The following TYR variants were observed in gnomAD, a reference collection of about 807,000 sequenced individuals.
TYR encodes tyrosinase, also known as LB24-AB.
TYR carries 58 observed loss-of-function variants against 51.5 expected under a neutral mutation model. That is an observed-to-expected ratio of 1.13 (90% CI 0.91 to 1.40). The LOEUF (loss-of-function observed/expected upper bound fraction) is 1.40, where lower values mean the gene tolerates loss of function less well. TYR is among the 40% of genes most tolerant of loss of function. The pLI, the probability that TYR is intolerant of heterozygous loss-of-function variation, is 0.00. For missense variants in TYR, 732 were observed against 647.4 expected (o/e 1.13, Z -1.42); for synonymous variants, 263 against 235.2 (o/e 1.12, Z -1.08).
chr11:89,179,981 C>T (rs1452415168), intron 1 of TYR, among the ~76,000 whole-genome samples: 1 of 152,144 alleles, frequency 6.6e-6, no homozygotes, highest in Non-Finnish European at 1.5e-5. Flanking sequence ...CTCAATTTCC[C>T]ACAATCTGCA....
intron 2 of TYR, among the ~76,000 whole-genome samples, chr11:89,206,831 A>C (rs1020614290): frequency 6.6e-6 from 1 of 152,154 alleles, no homozygotes; most frequent in African/African-American, 2.4e-5. Context: ...CATGAGGGAA[A>C]GATCTTCAAA....
intron 1 of TYR, among the ~76,000 whole-genome samples, chr11:89,186,143 C>T (rs118130223): frequency 3.9e-5 from 6 of 152,228 alleles, no homozygotes; most frequent in Non-Finnish European, 7.4e-5. Context: ...GAAAGTAGGC[C>T]ATCTGACTTT....
intron 4 of TYR, among the ~76,000 whole-genome samples, chr11:89,290,952 C>G (rs934154655): frequency 2.3e-4 from 35 of 151,980 alleles, no homozygotes; most frequent in African/African-American, 8.0e-4. Flanking sequence ...AACAGATATT[C>G]AGTACGGACT....
At chr11:89,221,483 T>C (rs1943911644) in intron 2 of TYR, among the ~76,000 whole-genome samples, 1 of 152,244 alleles carries the variant, frequency 6.6e-6, no homozygotes, top group Non-Finnish European at 1.5e-5. Context: ...TTAATGCTTC[T>C]CGTGTATCTA....
intron 3 of TYR, among the ~76,000 whole-genome samples, chr11:89,254,946 A>C (rs1318799832): frequency 6.6e-6 from 1 of 151,260 alleles, no homozygotes; most frequent in Non-Finnish European, 1.5e-5. Flanking sequence ...TTTTGATGTT[A>C]AAGGTTGTAA....
At chr11:89,281,760 G>C (rs1309982714) in intron 3 of TYR, among the ~76,000 whole-genome samples, 1 of 151,690 alleles carries the variant, frequency 6.6e-6, no homozygotes, top group African/African-American at 2.4e-5. Context: ...TGTCTGACCT[G>C]AAATCAGAGG....
intron 2 of TYR, among the ~76,000 whole-genome samples, chr11:89,196,779 T>C (rs909738801): frequency 6.6e-6 from 1 of 152,160 alleles, no homozygotes; most frequent in Admixed American, 6.6e-5. Context: ...AACACCACCA[T>C]GTGACCCATC....
At chr11:89,288,746 A>G (rs1353098566) in intron 4 of TYR, among the ~76,000 whole-genome samples, 2 of 152,024 alleles carry the variant, frequency 1.3e-5, no homozygotes, top group African/African-American at 4.8e-5. Context: ...CTAAGAACAA[A>G]GCAAAACAAA....
intron 1 of TYR, among the ~76,000 whole-genome samples, chr11:89,186,401 C>T (rs986578091): frequency 7.9e-5 from 12 of 152,150 alleles, no homozygotes; most frequent in Admixed American, 4.6e-4. Context: ...GGTTCATATG[C>T]ATCCTGCAGA....
In TYR at chr11:89,232,310, C is replaced by T. The variant is rs1223730462; in HGVS notation, c.1184+4340C>T. 1.4e-5 allele frequency among the ~76,000 whole-genome samples: 2 copies of T among 143,104 alleles called. 1 individual carries two copies. Among genetic ancestry groups the T allele is most frequent in the African/African-American group, 5.5e-5 (2 of 36,100 alleles). The allele number at this position is 143,104 out of a possible 152,430, so 93.9% of individuals were successfully genotyped here. A position where few individuals can be genotyped will look rare whatever the true frequency, so the allele number is the denominator to read the frequency against. On this transcript the variant is annotated intron_variant, in intron 3 of 4. Transcript: ENST00000263321. ...TACGTTTATGGAATCAACCCAGGTG[C>T]TCATCAATGGTGTATTGGACAAAGA...
At position 89,231,314 on chromosome 11, in the gene TYR, A is replaced by C. The variant is rs976221347; in HGVS notation, c.1184+3344A>C. On this transcript the variant is annotated intron_variant, in intron 3 of 4. Coordinates refer to ENST00000263321, the MANE Select transcript of TYR (RefSeq NM_000372.5). The stretch of plus-strand genomic sequence containing the variant: ...TGATTCAGCAGTTCCACTCCTGGGC[A>C]TGTATCGAAAGGGAAATATATCTGA... 4.8e-5 allele frequency among the ~76,000 whole-genome samples: 7 copies of C among 145,822 alleles called. 2 individuals are homozygous for C. Among genetic ancestry groups the C allele is most frequent in the African/African-American group, 1.9e-4 (7 of 37,448 alleles).
intron 3 of TYR, among the ~76,000 whole-genome samples, chr11:89,259,532 G>A (rs145014985): frequency 4.6e-5 from 7 of 151,962 alleles, no homozygotes; most frequent in African/African-American, 1.5e-4. Flanking sequence ...CTGAAGTAGC[G>A]AATGTAGTTA....
intron 3 of TYR, among the ~76,000 whole-genome samples, chr11:89,249,446 C>T (rs1312720947): frequency 3.8e-5 from 3 of 78,592 alleles, no homozygotes; most frequent in Admixed American, 1.5e-4. Flanking sequence ...AAAAAAAGGA[C>T]ATTAAGCCAC....
chr11:89,295,029 G>C (rs1944890762), intron 4 of TYR, 114 bp from the exon 5 acceptor site: 1 of 1,518,476 alleles, frequency 6.6e-7, no homozygotes, highest in African/African-American at 1.4e-5. Context: ...ATAAGTAGTA[G>C]AGCTGGCCTT....
In TYR at chr11:89,227,803, C is replaced by A; in HGVS notation, c.1037-20C>A. On this transcript the variant is annotated intron_variant, in intron 2 of 4. Coordinates refer to ENST00000263321, the MANE Select transcript of TYR (RefSeq NM_000372.5). ...GTCATTAAAGTAAACATATTTTTTT[C>A]ATTTTTTTTTAATGAACAGGATTTG... is the stretch of plus-strand genomic sequence containing the variant. 6.2e-7 allele frequency: 1 copy of A among 1,603,090 alleles called. No homozygotes were observed.
chr11:89,186,721 T>C (rs1375208326), intron 1 of TYR, among the ~76,000 whole-genome samples: 1 of 152,132 alleles, frequency 6.6e-6, no homozygotes, highest in Non-Finnish European at 1.5e-5. Context: ...ATGGACTGAA[T>C]TGTGTCTCCC....
chr11:89,226,060 G>C (rs1943971546), intron 2 of TYR, among the ~76,000 whole-genome samples: 2 of 152,110 alleles, frequency 1.3e-5, no homozygotes, highest in East Asian at 3.9e-4. Context: ...ACTTTAAAAA[G>C]TGTGAGAGTA....
intron 4 of TYR, among the ~76,000 whole-genome samples, chr11:89,287,878 G>A (rs529526682): frequency 6.6e-6 from 1 of 151,876 alleles, no homozygotes; most frequent in Non-Finnish European, 1.5e-5. Flanking sequence ...CAGGAAGGGA[G>A]ACAGAAAGCA....
chr11:89,221,375 G>T (rs953683238), intron 2 of TYR, among the ~76,000 whole-genome samples: 1 of 152,152 alleles, frequency 6.6e-6, no homozygotes, highest in African/African-American at 2.4e-5. Flanking sequence ...AATCTCCTGA[G>T]TCAAATTAAA....
Sources: allele counts gnomAD v4.1 joint callset (sites outside exome capture counted in the v4.1 genomes callset), GRCh38; gene constraint gnomAD v4.1.1; transcripts MANE v1.5; gene names NCBI Gene and HGNC (gene_info 2026-07-23, HGNC 2026-07-21).